Variants in KCNN3 observed in about 807,000 individuals in gnomAD.
The protein encoded by KCNN3 is potassium calcium-activated channel subfamily N member 3, also known as small conductance calcium-activated potassium channel protein 3.
KCNN3 carries 16 observed loss-of-function variants against 62.9 expected under a neutral mutation model. The observed-to-expected ratio is 0.25, with a 90% CI of 0.17 to 0.39. KCNN3 has a LOEUF of 0.39. KCNN3 is among the 10% of genes least tolerant of loss of function. KCNN3 has a pLI of 1.00. For synonymous variants in KCNN3, 370 were observed against 389.2 expected, an observed-to-expected ratio of 0.95 and a Z score of 0.58; for missense variants, 599 against 949.4, an observed-to-expected ratio of 0.63 and a Z score of 4.85.
chr1:154,796,237 T>C (rs545117652), intron 2 of KCNN3, among the ~76,000 whole-genome samples: 1 of 152,344 alleles, frequency 6.6e-6, no homozygotes, highest in African/African-American at 2.4e-5. Flanking sequence ...TAAATTCTTA[T>C]TGCCAGGTCC....
rs370612137 is a variant in KCNN3, at chr1:154,707,386, A to C, written c.*590T>G. The C allele has an allele frequency of 3.3e-5, 5 of 151,610 alleles. No homozygotes were observed. Among genetic ancestry groups the C allele is most frequent in the African/African-American group, 1.2e-4 (5 of 41,252 alleles). The allele number at this position is 151,610 out of a possible 1,614,324, so 9.4% of individuals were successfully genotyped here. ...AAACACACAGGTTTATGTGGGTATT[A>C]ATATCGAGTGGAAAATCTGGCTTTT... On this transcript the variant is annotated 3_prime_UTR_variant, in exon 8 of 8. Coordinates refer to ENST00000271915, the MANE Select transcript of KCNN3 (RefSeq NM_002249.6).
chr1:154,720,399 A>G (rs1378040155), intron 5 of KCNN3, among the ~76,000 whole-genome samples: 1 of 152,260 alleles, frequency 6.6e-6, no homozygotes, highest in African/African-American at 2.4e-5. Flanking sequence ...CCTATTGATT[A>G]TCTGATCCAT....
At chr1:154,784,725 G>T (rs1471103596) in intron 2 of KCNN3, among the ~76,000 whole-genome samples, 3 of 152,250 alleles carry the variant, frequency 2.0e-5, no homozygotes, top group Non-Finnish European at 2.9e-5. Context: ...GTAACAGCAG[G>T]GGCCATGTAT....
rs1350399673 is a variant in KCNN3, at chr1:154,699,164, A to G, written c.*8812T>C. ...GAGAAAGTTTACCGTAACTCCATTC[A>G]AAACCTTCAGGCACTTGACTTTTTT... On this transcript the variant is annotated 3_prime_UTR_variant, in exon 8 of 8. Coordinates refer to ENST00000271915, the MANE Select transcript of KCNN3 (RefSeq NM_002249.6). 6.6e-6 allele frequency: 1 copy of G among 151,734 alleles called. No individual in the cohort carries two copies. The highest frequency in any genetic ancestry group is 1.5e-5 in the Non-Finnish European group (1 of 67,976). The allele number at this position is 151,734 out of a possible 1,614,324, so 9.4% of individuals were successfully genotyped here. A position where few individuals can be genotyped will look rare whatever the true frequency, so the allele number is the denominator to read the frequency against.
intron 4 of KCNN3, among the ~76,000 whole-genome samples, chr1:154,730,031 T>C (rs527728711): frequency 9.8e-5 from 15 of 152,348 alleles, no homozygotes; most frequent in African/African-American, 3.6e-4. Context: ...CTTGGGGGCT[T>C]TGGGGTCTTC....
chr1:154,850,041 C>G (rs906597), intron 1 of KCNN3, among the ~76,000 whole-genome samples: 40,541 of 152,078 alleles, frequency 0.27, 6,301 homozygotes, highest in African/African-American at 0.42. Flanking sequence ...CACTCCCATT[C>G]TGGCAGGCGC....
intron 2 of KCNN3, among the ~76,000 whole-genome samples, chr1:154,785,497 G>A (rs1300703040): frequency 6.6e-6 from 1 of 152,034 alleles, no homozygotes; most frequent in Non-Finnish European, 1.5e-5. Flanking sequence ...CCAGTGGCGG[G>A]GGCAGCACTT....
At chr1:154,759,999 C>T (rs1054120142) in intron 3 of KCNN3, among the ~76,000 whole-genome samples, 2 of 151,802 alleles carry the variant, frequency 1.3e-5, no homozygotes, top group South Asian at 2.1e-4. Flanking sequence ...TTTCTTTCTC[C>T]TCTCTTTCTT....
chr1:154,826,021 C>A (rs1358842591), intron 1 of KCNN3, among the ~76,000 whole-genome samples: 3 of 147,796 alleles, frequency 2.0e-5, no homozygotes, highest in African/African-American at 7.6e-5. Flanking sequence ...GCACTCCAGC[C>A]TGGGTGAAGA....
At chr1:154,791,272 C>T (rs1397087772) in intron 2 of KCNN3, among the ~76,000 whole-genome samples, 2 of 145,992 alleles carry the variant, frequency 1.4e-5, no homozygotes. Context: ...TTTTATATTA[C>T]GTGTATCATA....
intron 1 of KCNN3, 94 bp downstream of exon 1, chr1:154,868,938 A>G: frequency 2.4e-5 from 22 of 931,110 alleles, no homozygotes; most frequent in Non-Finnish European, 3.3e-5. Context: ...CTCTCTCTCA[A>G]TCTCTCTCTC....
rs1699953801 is a variant in KCNN3, at chr1:154,705,709, GCACACACCCACA to G, written c.*2255_*2266del. 1 of 152,114 alleles carries G rather than the reference GCACACACCCACA, an allele frequency of 6.6e-6. No individual in the cohort carries two copies. Among genetic ancestry groups the G allele is most frequent in the Non-Finnish European group, 1.5e-5 (1 of 68,034 alleles). 9.4% of individuals were successfully genotyped at this position (152,114 alleles called of 1,614,324 possible). On this transcript the variant is annotated 3_prime_UTR_variant, in exon 8 of 8. Coordinates refer to ENST00000271915, the MANE Select transcript of KCNN3 (RefSeq NM_002249.6). ...AAATTAAGACTAAATCTCTATATGTGCACACACCCACACTCACACCCACACGCACACATATCA... is the reference window on the plus strand; with the variant it reads ...AAATTAAGACTAAATCTCTATATGTGCTCACACCCACACGCACACATATCA...
intron 2 of KCNN3, among the ~76,000 whole-genome samples, chr1:154,798,967 A>G (rs1414944105): frequency 2.7e-5 from 4 of 146,744 alleles, no homozygotes; most frequent in African/African-American, 7.7e-5. Context: ...CCCAGGCTGG[A>G]GTGCAGTGGC....
At chr1:154,794,391 G>A (rs1029903359) in intron 2 of KCNN3, among the ~76,000 whole-genome samples, 3 of 152,104 alleles carry the variant, frequency 2.0e-5, no homozygotes, top group Non-Finnish European at 4.4e-5. Context: ...CACCTCAAAG[G>A]AGCTCAAGGT....
At chr1:154,856,435 T>C (rs556678698) in intron 1 of KCNN3, among the ~76,000 whole-genome samples, 47 of 152,278 alleles carry the variant, frequency 3.1e-4, no homozygotes, top group African/African-American at 1.1e-3. Flanking sequence ...TTCTTCCAGT[T>C]CTCTCCGAAA....
intron 2 of KCNN3, among the ~76,000 whole-genome samples, chr1:154,776,772 T>G (rs1212390298): frequency 6.6e-6 from 1 of 152,250 alleles, no homozygotes; most frequent in Non-Finnish European, 1.5e-5. Flanking sequence ...GTTCTCAACC[T>G]ACTTGCGTCG....
chr1:154,738,288 T>C (rs548342449), intron 3 of KCNN3, among the ~76,000 whole-genome samples: 1 of 152,278 alleles, frequency 6.6e-6, no homozygotes, highest in African/African-American at 2.4e-5. Context: ...TTCGGACTTT[T>C]TGACAGCAAC....
intron 4 of KCNN3, among the ~76,000 whole-genome samples, chr1:154,726,742 A>G (rs945299209): frequency 1.3e-5 from 2 of 152,166 alleles, no homozygotes; most frequent in African/African-American, 4.8e-5. Flanking sequence ...GATTTTAAAG[A>G]CAACACCACT....
intron 1 of KCNN3, among the ~76,000 whole-genome samples, chr1:154,826,208 ATT>A (rs1651123470): frequency 6.6e-6 from 1 of 152,194 alleles, no homozygotes; most frequent in Admixed American, 6.5e-5. Context: ...CAATTATTTC[ATT>A]TTTAAGCTTT....
Sources: gnomAD v4.1 joint callset for allele counts (sites outside exome capture counted in the v4.1 genomes callset) on GRCh38, gnomAD v4.1.1 for gene constraint, MANE v1.5 for transcripts, NCBI Gene and HGNC (gene_info 2026-07-23, HGNC 2026-07-21) for gene names.